PRMT3: variants seen among roughly 807,000 people sequenced by gnomAD.
PRMT3 encodes the protein protein arginine methyltransferase 3.
Under a neutral mutation model 71.9 loss-of-function variants are expected in PRMT3, and 62 were observed. That is an observed-to-expected ratio of 0.86 (90% confidence interval 0.70 to 1.07). The LOEUF is 1.07. Ranked by LOEUF, PRMT3 falls within the 50% of genes least tolerant of loss-of-function variation. The pLI is 0.00. For missense variants in PRMT3, 663 were observed against 643.0 expected (o/e 1.03, Z -0.34); for synonymous variants, 213 against 220.4 (o/e 0.97, Z 0.30).
Position 20,480,906 on chromosome 11 carries a change from G to A in PRMT3, c.1348-13013G>A, listed in dbSNP as rs543103258. Among the ~76,000 whole-genome samples the A allele has an allele frequency of 5.9e-5, 9 of 152,230 alleles. No individual in the cohort carries two copies. The South Asian group carries it at 1.0e-3, about 18-fold the overall frequency. On this transcript the variant is annotated intron_variant, in intron 13 of 15. Coordinates refer to ENST00000331079, the MANE Select transcript of PRMT3 (RefSeq NM_005788.4). The stretch of plus-strand genomic sequence containing the variant: ...GGATCAGATGCTCAATTATTAGTAC[G>A]TTGAATTTCATACCTTTGAGTTATG...
At chr11:20,503,396 C>T (rs946415288) in intron 15 of PRMT3, among the ~76,000 whole-genome samples, 4 of 152,078 alleles carry the variant, frequency 2.6e-5, no homozygotes, top group Non-Finnish European at 5.9e-5. Context: ...TCAAAATTCA[C>T]ACATTTTGAT....
At chr11:20,504,629 A>C (rs1395049056) in intron 15 of PRMT3, among the ~76,000 whole-genome samples, 1 of 151,570 alleles carries the variant, frequency 6.6e-6, no homozygotes, top group Non-Finnish European at 1.5e-5. Flanking sequence ...CCATCTTTAA[A>C]GTTGTTTTGT....
chr11:20,476,639 C>T (rs1000541750), intron 13 of PRMT3, among the ~76,000 whole-genome samples: 1 of 152,064 alleles, frequency 6.6e-6, no homozygotes, highest in African/African-American at 2.4e-5. Flanking sequence ...ATTTTTTTCA[C>T]CTACTTTTTA....
chr11:20,447,693 A>G (rs1331834154), intron 10 of PRMT3, among the ~76,000 whole-genome samples: 4 of 151,946 alleles, frequency 2.6e-5, no homozygotes, highest in Non-Finnish European at 5.9e-5. Flanking sequence ...TTTACGTAAC[A>G]CTTTGCTAGG....
rs770696608 is a variant in PRMT3 at position 20,452,115 on chromosome 11, C to G, written c.994-15C>G. ...GCACATTTCTAAACTCTTTTTTTCC[C>G]CTTTTTTTATGCAGGGCTATTTTCT... On this transcript the variant is annotated splice_polypyrimidine_tract_variant and intron_variant, in intron 10 of 15. Coordinates refer to ENST00000331079, the MANE Select transcript of PRMT3 (RefSeq NM_005788.4). 1.9e-6 allele frequency: 3 copies of G among 1,571,728 alleles called. No individual in the cohort carries two copies.
chr11:20,422,328 C>T (rs1054692809), intron 9 of PRMT3, among the ~76,000 whole-genome samples: 2 of 152,106 alleles, frequency 1.3e-5, no homozygotes, highest in East Asian at 1.9e-4. Context: ...TAGTAGTCCC[C>T]GAAACTTGTC....
chr11:20,508,119 C>T (rs976146543), intron 15 of PRMT3, among the ~76,000 whole-genome samples, 185 bp from the exon 16 acceptor site: 3 of 145,534 alleles, frequency 2.1e-5, no homozygotes, highest in Admixed American at 7.0e-5. Context: ...CACCGCACTC[C>T]AGCCTGGGTG....
chr11:20,392,797 G>T, intron 4 of PRMT3, 100 bp from the exon 5 acceptor site: 1 of 779,310 alleles, frequency 1.3e-6, no homozygotes, highest in South Asian at 1.8e-5. Flanking sequence ...TTTGTGTAAT[G>T]CAAACATGAT....
intron 10 of PRMT3, among the ~76,000 whole-genome samples, chr11:20,442,488 T>C (rs1180539010): frequency 1.3e-5 from 2 of 152,176 alleles, no homozygotes; most frequent in African/African-American, 2.4e-5. Flanking sequence ...TGGGGTTATT[T>C]TGAAAATATT....
intron 11 of PRMT3, among the ~76,000 whole-genome samples, chr11:20,455,074 A>G (rs1850237875): frequency 6.6e-6 from 1 of 152,162 alleles, no homozygotes; most frequent in Non-Finnish European, 1.5e-5. Context: ...ATTGTGTATC[A>G]GGAATTGTAA....
At chr11:20,444,863 CTT>C (rs751524923) in intron 10 of PRMT3, among the ~76,000 whole-genome samples, 4 of 151,986 alleles carry the variant, frequency 2.6e-5, no homozygotes, top group Non-Finnish European at 5.9e-5. Flanking sequence ...AGGGTTGTCT[CTT>C]TCTCTTTTCA....
Position 20,426,885 on chromosome 11 carries a change from A to T in PRMT3, c.993+20A>T. ...TGGATGGTGAGTGTTTATAGAAAAA[A>T]CTACTTTCACTGGTAAAATGAAAAA... is the stretch of plus-strand genomic sequence containing the variant. On this transcript the variant is annotated intron_variant, in intron 10 of 15. Transcript: ENST00000331079. 1 of 1,510,924 alleles carries T rather than the reference A, an allele frequency of 6.6e-7. No homozygotes were observed. Among genetic ancestry groups the T allele is most frequent in the Non-Finnish European group, 8.8e-7 (1 of 1,141,182 alleles). The allele number at this position is 1,510,924 out of a possible 1,614,324, so 93.6% of individuals were successfully genotyped here. A position where few individuals can be genotyped will look rare whatever the true frequency, so the allele number is the denominator to read the frequency against.
chr11:20,505,183 TCAGGATTTTCTATGTATAAAAC>T (rs1851562031), intron 15 of PRMT3, among the ~76,000 whole-genome samples: 1 of 152,222 alleles, frequency 6.6e-6, no homozygotes. Flanking sequence ...GCATATAGCT[TCAGGATTTTCTATGTATAAAAC>T]CAGGTAGTAT....
intron 9 of PRMT3, among the ~76,000 whole-genome samples, chr11:20,423,557 A>G (rs1306474066): frequency 1.3e-5 from 2 of 152,194 alleles, no homozygotes; most frequent in Non-Finnish European, 2.9e-5. Context: ...CGGCAGTTTA[A>G]GAAAAGGTTT....
intron 10 of PRMT3, among the ~76,000 whole-genome samples, chr11:20,436,029 C>T (rs1452410001): frequency 6.6e-6 from 1 of 152,142 alleles, no homozygotes; most frequent in Non-Finnish European, 1.5e-5. Context: ...TTGTAGAGAT[C>T]TTTCAACTCT....
chr11:20,439,642 A>G (rs545879616), intron 10 of PRMT3, among the ~76,000 whole-genome samples: 10 of 152,316 alleles, frequency 6.6e-5, no homozygotes, highest in African/African-American at 2.4e-4. Flanking sequence ...AACTGATGAA[A>G]TACTGTAAGT....
At chr11:20,440,724 T>C (rs937046678) in intron 10 of PRMT3, among the ~76,000 whole-genome samples, 1 of 152,102 alleles carries the variant, frequency 6.6e-6, no homozygotes, top group Non-Finnish European at 1.5e-5. Flanking sequence ...AAGAAAAAAT[T>C]TGAAATTATA....
At chr11:20,490,326 TC>T (rs1851177686) in intron 13 of PRMT3, among the ~76,000 whole-genome samples, 1 of 152,214 alleles carries the variant, frequency 6.6e-6, no homozygotes, top group Admixed American at 6.5e-5. Context: ...ATAGATTCTT[TC>T]CAGTGCTTAC....
intron 7 of PRMT3, among the ~76,000 whole-genome samples, chr11:20,398,763 A>G (rs1848887201): frequency 6.6e-6 from 1 of 152,202 alleles, no homozygotes; most frequent in Non-Finnish European, 1.5e-5. Flanking sequence ...CATGCTGTAC[A>G]GGTTTGTAGC....
Sources: allele counts gnomAD v4.1 joint callset (sites outside exome capture counted in the v4.1 genomes callset), GRCh38; gene constraint gnomAD v4.1.1; transcripts MANE v1.5; gene names NCBI Gene and HGNC (gene_info 2026-07-23, HGNC 2026-07-21).